GPR176: variants seen among roughly 807,000 people sequenced by gnomAD.
GPR176 encodes G-protein coupled receptor 176.
A neutral mutation model predicts 35.4 loss-of-function variants in GPR176; 26 were observed. The ratio of observed to expected loss-of-function variants is 0.74; its 90% CI spans 0.54 to 1.02. GPR176 has a LOEUF of 1.02. Ranked by LOEUF, GPR176 falls within the 50% of genes least tolerant of loss-of-function variation. The pLI is 0.00. For missense variants in GPR176, 597 were observed against 665.3 expected (o/e 0.90, Z 1.13); for synonymous variants, 278 against 271.3 (o/e 1.02, Z -0.24).
At chr15:39,889,415 C>G (rs1336445168) in intron 1 of GPR176, among the ~76,000 whole-genome samples, 2 of 151,838 alleles carry the variant, frequency 1.3e-5, no homozygotes, top group African/African-American at 4.8e-5. Flanking sequence ...GGCATGGTGG[C>G]GCACACCTGT....
At chr15:39,869,242 T>C (rs968151878) in intron 1 of GPR176, among the ~76,000 whole-genome samples, 7 of 151,948 alleles carry the variant, frequency 4.6e-5, no homozygotes, top group African/African-American at 1.5e-4. Flanking sequence ...AAGGACTCTA[T>C]CATGGGTATT....
intron 1 of GPR176, chr15:39,813,238 A>T (rs1899685965): frequency 6.6e-6 from 1 of 152,172 alleles, no homozygotes; most frequent in South Asian, 2.1e-4. Flanking sequence ...CCTCCATTTC[A>T]ATCATTTCTG....
At chr15:39,899,142 T>C (rs2033202787) in intron 1 of GPR176, among the ~76,000 whole-genome samples, 1 of 152,200 alleles carries the variant, frequency 6.6e-6, no homozygotes, top group Non-Finnish European at 1.5e-5. Flanking sequence ...GACTCCATCG[T>C]AGACCTCCTG....
At chr15:39,838,912 A>T (rs966945614) in intron 1 of GPR176, among the ~76,000 whole-genome samples, 2 of 152,194 alleles carry the variant, frequency 1.3e-5, no homozygotes, top group African/African-American at 4.8e-5. Context: ...TGCAGATGAC[A>T]TGATTGTATA....
chr15:39,844,566 AC>A (rs2030272797), intron 1 of GPR176, among the ~76,000 whole-genome samples: 1 of 150,950 alleles, frequency 6.6e-6, no homozygotes, highest in Non-Finnish European at 1.5e-5. Context: ...GGAGCCCCCA[AC>A]CCCGTCTGCC....
chr15:39,886,288 G>C (rs910943733), intron 1 of GPR176, among the ~76,000 whole-genome samples: 1 of 152,026 alleles, frequency 6.6e-6, no homozygotes, highest in African/African-American at 2.4e-5. Context: ...ACCAGGAACT[G>C]TAAGACTCAG....
chr15:39,913,526 C>G (rs1230961816), intron 1 of GPR176, among the ~76,000 whole-genome samples: 1 of 143,980 alleles, frequency 6.9e-6, no homozygotes, highest in Non-Finnish European at 1.5e-5. Context: ...GCCTGGGAGA[C>G]AGAATAAGAC....
At chr15:39,814,113 G>A (rs1279935591) in intron 1 of GPR176, among the ~76,000 whole-genome samples, 3 of 152,194 alleles carry the variant, frequency 2.0e-5, no homozygotes, top group African/African-American at 7.2e-5. Flanking sequence ...GTTTGCAACT[G>A]TGCATGTTAC....
chr15:39,807,773 C>T, intron 1 of GPR176: 2 of 524,000 alleles, frequency 3.8e-6, no homozygotes, highest in East Asian at 6.0e-5. Context: ...GTAATGATTA[C>T]TTTAAAATTA....
intron 1 of GPR176, among the ~76,000 whole-genome samples, chr15:39,813,936 A>G (rs182121177): frequency 1.3e-3 from 191 of 152,302 alleles, no homozygotes; most frequent in African/African-American, 4.2e-3. Context: ...CAGCTTGCAC[A>G]TTTTTAATAT....
At chr15:39,880,622 C>A (rs2032438816) in intron 1 of GPR176, among the ~76,000 whole-genome samples, 1 of 151,994 alleles carries the variant, frequency 6.6e-6, no homozygotes, top group Admixed American at 6.6e-5. Flanking sequence ...CTTATTTTAC[C>A]CCACCTGCTT....
chr15:39,829,365 C>A (rs1900908431), intron 1 of GPR176: 1 of 1,297,840 alleles, frequency 7.7e-7, no homozygotes. Context: ...GCGCAGGACA[C>A]AAGGAGCTCA....
intron 1 of GPR176, among the ~76,000 whole-genome samples, chr15:39,824,217 A>G (rs1595452746): frequency 6.6e-6 from 1 of 152,342 alleles, no homozygotes. Context: ...TCCTGAGGCC[A>G]GAAGCAGATG....
In GPR176 at chr15:39,855,222, G is replaced by A. The variant is rs147658899; in HGVS notation, c.173-47964C>T. On this transcript the variant is annotated intron_variant, in intron 1 of 2. Coordinates refer to ENST00000561100, the MANE Select transcript of GPR176 (RefSeq NM_007223.3). ...TACTATTTTCTCCATGTATTACAAT[G>A]ACAAAGTACATCGCCAATGCTATTT... Among the ~76,000 whole-genome samples the A allele has an allele frequency of 8.9e-4, 136 of 152,186 alleles. 1 individual carries two copies. In the East Asian group the frequency reaches 0.01, roughly 11 times the overall value.
At chr15:39,878,975 T>A (rs2032367987) in intron 1 of GPR176, among the ~76,000 whole-genome samples, 1 of 152,156 alleles carries the variant, frequency 6.6e-6, no homozygotes, top group African/African-American at 2.4e-5. Flanking sequence ...AGAGTAGGCG[T>A]TGCTGGATGT....
chr15:39,831,550 A>C (rs1595460605), intron 1 of GPR176, among the ~76,000 whole-genome samples: 1 of 150,048 alleles, frequency 6.7e-6, no homozygotes, highest in African/African-American at 2.4e-5. Context: ...CATAAAATGT[A>C]CCTCCTTCCA....
At chr15:39,888,678 C>T (rs184866388) in intron 1 of GPR176, among the ~76,000 whole-genome samples, 2 of 152,172 alleles carry the variant, frequency 1.3e-5, no homozygotes, top group East Asian at 3.9e-4. Context: ...TTTTTCTTCC[C>T]CTACAATGTG....
At position 39,918,563 on chromosome 15, in the gene GPR176, C is replaced by T. The variant is rs572322833; in HGVS notation, c.172+1292G>A. Among the ~76,000 whole-genome samples the T allele has an allele frequency of 1.6e-3, 237 of 152,268 alleles. 3 individuals carry two copies. The highest frequency in any genetic ancestry group is 1.8e-3 in the Non-Finnish European group (123 of 68,010). On this transcript the variant is annotated intron_variant, in intron 1 of 2. Transcript: ENST00000561100. ...GTGACAATACTCAGAATTTAACTCC[C>T]AATAACCTACAATGCATCATGAATA...
intron 1 of GPR176, among the ~76,000 whole-genome samples, chr15:39,828,371 G>A (rs377601976): frequency 7.9e-4 from 120 of 152,324 alleles, no homozygotes; most frequent in African/African-American, 2.8e-3. Flanking sequence ...AACCAAAAGA[G>A]AGGAAAAGAC....
Sources: gnomAD v4.1 joint callset for allele counts (sites outside exome capture counted in the v4.1 genomes callset) on GRCh38, gnomAD v4.1.1 for gene constraint, MANE v1.5 for transcripts, NCBI Gene and HGNC (gene_info 2026-07-23, HGNC 2026-07-21) for gene names.